Variants in MS4A8 observed in about 807,000 individuals in gnomAD.
MS4A8 encodes the protein membrane-spanning 4-domains subfamily A member 8.
Under a neutral mutation model 23.7 loss-of-function variants are expected in MS4A8, and 27 were observed. The ratio of observed to expected loss-of-function variants is 1.14; its 90% confidence interval spans 0.84 to 1.57. The LOEUF (loss-of-function observed/expected upper bound fraction) is 1.57, where lower values mean the gene tolerates loss of function less well. MS4A8 is among the 40% of genes most tolerant of loss of function. The pLI, the probability that MS4A8 is intolerant of heterozygous loss-of-function variation, is 0.00. For synonymous variants in MS4A8, 138 were observed against 126.3 expected (o/e 1.09, Z -0.62); for missense variants, 301 against 311.4 (o/e 0.97, Z 0.25).
Position 60,715,081 on chromosome 11 carries a change from G to C in MS4A8, c.595G>C (p.Ala199Pro). ...CTTCTGCCTCCTGGAGTTTGGCATCGCATGCGCATCTTCCCACTTTGGCTG... is the reference window on the plus strand; with the variant it reads ...CTTCTGCCTCCTGGAGTTTGGCATCCCATGCGCATCTTCCCACTTTGGCTG... ...LVFCLLEFGIACASSHFGCQL... is the reference protein window; with the variant it reads ...LVFCLLEFGIPCASSHFGCQL... Residue 199 changes from alanine to proline, a missense_variant, in exon 6 of 7, where the codon GCA (alanine) becomes CCA (proline). Coordinates refer to ENST00000300226, the MANE Select transcript of MS4A8 (RefSeq NM_031457.2). The C allele has an allele frequency of 6.2e-7, 1 of 1,614,070 alleles. No homozygotes were observed. The highest frequency in any genetic ancestry group is 8.5e-7 in the Non-Finnish European group (1 of 1,180,026).
chr11:60,710,125 T>C (rs1236569170), intron 5 of MS4A8, among the ~76,000 whole-genome samples: 1 of 152,234 alleles, frequency 6.6e-6, no homozygotes, highest in African/African-American at 2.4e-5. Context: ...CTGCTAGTTC[T>C]GTTTTTCCCA....
rs75457858 is a variant in MS4A8, at chr11:60,699,651, C to T, written c.-126C>T. The stretch of plus-strand genomic sequence containing the variant: ...CCTGCATCCAGGAAATAGAGGACTT[C>T]GGATCCTTCTAACCCTACCACCCAA... On this transcript the variant is annotated 5_prime_UTR_variant, in exon 1 of 7. Transcript: ENST00000300226. The T allele has an allele frequency of 0.045, 6,923 of 152,254 alleles. 499 individuals are homozygous for T. The highest frequency in any genetic ancestry group is 0.16 in the African/African-American group (6,532 of 41,516). The allele number at this position is 152,254 out of a possible 1,614,324, so 9.4% of individuals were successfully genotyped here.
At chr11:60,705,878 A>G (rs145961261) in intron 3 of MS4A8, among the ~76,000 whole-genome samples, 7 of 152,348 alleles carry the variant, frequency 4.6e-5, no homozygotes, top group Non-Finnish European at 8.8e-5. Context: ...CCGCTGGATG[A>G]TGTTGTGTGA....
intron 3 of MS4A8, among the ~76,000 whole-genome samples, chr11:60,705,372 T>G (rs977460961): frequency 6.6e-5 from 10 of 152,240 alleles, no homozygotes; most frequent in African/African-American, 2.4e-4. Context: ...GCATCTCAAA[T>G]GCCTCACTGA....
chr11:60,708,928 C>T (rs2088279929), intron 5 of MS4A8, 147 bp downstream of exon 5: 1 of 929,574 alleles, frequency 1.1e-6, no homozygotes, highest in African/African-American at 1.7e-5. Context: ...TTTTAAAGTC[C>T]TTGACCCATA....
At chr11:60,704,407 C>T (rs2088235032) in intron 3 of MS4A8, among the ~76,000 whole-genome samples, 1 of 152,042 alleles carries the variant, frequency 6.6e-6, no homozygotes, top group Non-Finnish European at 1.5e-5. Flanking sequence ...AGGTGTGAGC[C>T]ACCACACCCG....
At chr11:60,702,000 G>A (rs1380185945) in intron 2 of MS4A8, among the ~76,000 whole-genome samples, 1 of 152,144 alleles carries the variant, frequency 6.6e-6, no homozygotes. Flanking sequence ...CAGACACTGT[G>A]TATAATTTGC....
At chr11:60,715,156 T>C in intron 6 of MS4A8, 22 bp downstream of exon 6, 2 of 1,587,222 alleles carry the variant, frequency 1.3e-6, no homozygotes, top group Non-Finnish European at 1.7e-6. Context: ...GGTTCCTCAG[T>C]GGGTGGAAAG....
Position 60,708,752 on chromosome 11 carries a change from C to T in MS4A8, c.505C>T (p.Pro169Ser). Residue 169 changes from proline to serine, a missense_variant, in exon 5 of 7, where the codon CCC (proline) becomes TCC (serine). Transcript: ENST00000300226. ...DLSIPHPYAY[P>S]DYYPYAWGVN... is the part of the protein sequence containing the mutation. ...AAGTATTCCCCACCCATATGCCTACCCCGACTATTATCCTTACGCCTGGGG... is the reference window on the plus strand; with the variant it reads ...AAGTATTCCCCACCCATATGCCTACTCCGACTATTATCCTTACGCCTGGGG... The T allele has an allele frequency of 5.6e-6, 9 of 1,613,980 alleles. No homozygotes were observed. The highest frequency in any genetic ancestry group is 7.6e-6 in the Non-Finnish European group (9 of 1,179,932).
At position 60,708,652 on chromosome 11, in the gene MS4A8, G is replaced by C. The variant is rs767497635; in HGVS notation, c.405G>C (p.Leu135=). The C allele has an allele frequency of 1.3e-6, 2 of 1,531,610 alleles. No individual in the cohort carries two copies. Among genetic ancestry groups the C allele is most frequent in the Admixed American group, 4.1e-5 (2 of 48,888 alleles). The allele number at this position is 1,531,610 out of a possible 1,614,324, so 94.9% of individuals were successfully genotyped here. A position where few individuals can be genotyped will look rare whatever the true frequency, so the allele number is the denominator to read the frequency against. The change falls in exon 5 of 7, where the codon CTG becomes CTC. Residue 135 remains leucine (L), a splice_region_variant and synonymous_variant. Coordinates refer to ENST00000300226, the MANE Select transcript of MS4A8 (RefSeq NM_031457.2). ...CTGACCCTCTGTGTCTTCTTCAGCT[G>C]TCTGGCAGTTTGGGCTTGAACATCG... ...AENQPYSYCL[L]SGSLGLNIVS... is the part of the protein sequence containing the mutation.
chr11:60,715,134 T>C lies in MS4A8; in HGVS notation c.648T>C (p.Asn216=), dbSNP rs749317183. Residue 216 remains asparagine (N), a splice_region_variant and synonymous_variant, in exon 6 of 7, where the codon AAT becomes AAC. Transcript: ENST00000300226. ...AGTTGGTCTGCTGTCAATCAAGCAA[T>C]GTGAGTCCCAGGGTTCCTCAGTGGG... The part of the protein sequence containing the change: ...GCQLVCCQSS[N]VSVIYPNIYA... The C allele has an allele frequency of 2.5e-6, 4 of 1,610,782 alleles. No individual in the cohort carries two copies. Among genetic ancestry groups the C allele is most frequent in the African/African-American group, 1.3e-5 (1 of 74,832 alleles).
At chr11:60,704,867 TAC>T (rs979767433) in intron 3 of MS4A8, among the ~76,000 whole-genome samples, 62 of 131,626 alleles carry the variant, frequency 4.7e-4, no homozygotes, top group South Asian at 7.3e-4. Flanking sequence ...CAAACACACA[TAC>T]ACACACACAC....
intron 3 of MS4A8, among the ~76,000 whole-genome samples, chr11:60,704,849 CATACAA>C (rs1240038827): frequency 1.4e-4 from 6 of 42,400 alleles, no homozygotes; most frequent in Non-Finnish European, 4.0e-4. Context: ...CACACACACA[CATACAA>C]ACAAACACAC....
At chr11:60,712,903 T>C (rs368980109) in intron 5 of MS4A8, among the ~76,000 whole-genome samples, 22 of 152,156 alleles carry the variant, frequency 1.4e-4, no homozygotes, top group Non-Finnish European at 2.8e-4. Flanking sequence ...GGAACCCAAA[T>C]GGTAATGGGA....
rs1376827211 is a variant in MS4A8 at position 60,715,644 on chromosome 11, A to G, written c.*230A>G. ...TTAACCAAGAGGGACTCCCTAGGGC[A>G]CATGCATCAGCACATATGTGGGCAT... On this transcript the variant is annotated 3_prime_UTR_variant, in exon 7 of 7. Coordinates refer to ENST00000300226, the MANE Select transcript of MS4A8 (RefSeq NM_031457.2). 2 of 524,110 alleles carry G rather than the reference A, an allele frequency of 3.8e-6. No homozygotes were observed. The highest frequency in any genetic ancestry group is 6.9e-5 in the East Asian group (2 of 29,048). 32.5% of individuals were successfully genotyped at this position (524,110 alleles called of 1,614,324 possible).
At chr11:60,709,465 T>C (rs2088283826) in intron 5 of MS4A8, among the ~76,000 whole-genome samples, 2 of 152,270 alleles carry the variant, frequency 1.3e-5, no homozygotes, top group Admixed American at 1.3e-4. Context: ...TCTAAAATAT[T>C]GTCATTTCAA....
At chr11:60,703,794 G>T (rs1281093941) in intron 3 of MS4A8, among the ~76,000 whole-genome samples, 1 of 152,166 alleles carries the variant, frequency 6.6e-6, no homozygotes, top group African/African-American at 2.4e-5. Flanking sequence ...TTCCCCTAAG[G>T]TCTCTCTCCT....
chr11:60,700,109 G>T (rs975106670), intron 1 of MS4A8, among the ~76,000 whole-genome samples: 1 of 152,194 alleles, frequency 6.6e-6, no homozygotes, highest in African/African-American at 2.4e-5. Context: ...ACATACCTGG[G>T]ACCTTGGAGG....
intron 5 of MS4A8, among the ~76,000 whole-genome samples, chr11:60,709,512 C>A (rs1484227429): frequency 6.6e-6 from 1 of 152,162 alleles, no homozygotes; most frequent in Non-Finnish European, 1.5e-5. Flanking sequence ...TGCTATTTTG[C>A]ATTTGGGGAA....
Sources: allele counts gnomAD v4.1 joint callset (sites outside exome capture counted in the v4.1 genomes callset), GRCh38; gene constraint gnomAD v4.1.1; transcripts MANE v1.5; gene names NCBI Gene and HGNC (gene_info 2026-07-23, HGNC 2026-07-21).